The following AUH variants were observed in gnomAD, a reference collection of about 807,000 sequenced individuals.
AUH encodes methylglutaconyl-CoA hydratase, mitochondrial.
In AUH, 29 loss-of-function variants were observed where a neutral mutation model predicts 42.3. That is an observed-to-expected ratio of 0.69 (90% CI 0.51 to 0.93). The LOEUF (loss-of-function observed/expected upper bound fraction) is 0.93, where lower values mean the gene tolerates loss of function less well. Ranked by LOEUF, AUH falls within the 40% of genes least tolerant of loss-of-function variation. The pLI is 0.00. For synonymous variants in AUH, 174 were observed against 166.4 expected (o/e 1.05, Z -0.35); for missense variants, 452 against 438.1 (o/e 1.03, Z -0.28).
intron 6 of AUH, among the ~76,000 whole-genome samples, chr9:91,265,349 T>C (rs1829916534): frequency 6.6e-6 from 1 of 151,804 alleles, no homozygotes; most frequent in African/African-American, 2.4e-5. Context: ...ACATTTCTAC[T>C]TAAATTTTCA....
intron 9 of AUH, 150 bp from the exon 10 acceptor site, chr9:91,214,575 A>C: frequency 1.7e-5 from 11 of 662,844 alleles, no homozygotes; most frequent in Non-Finnish European, 2.5e-5. Context: ...AACCAAACTC[A>C]TCCTTCTTAC....
At chr9:91,316,410 C>T (rs1564094147) in intron 4 of AUH, among the ~76,000 whole-genome samples, 1 of 152,108 alleles carries the variant, frequency 6.6e-6, no homozygotes, top group Non-Finnish European at 1.5e-5. Flanking sequence ...AGTGAACTAC[C>T]GAGTCTTATG....
intron 6 of AUH, among the ~76,000 whole-genome samples, chr9:91,259,412 T>C (rs1292110805): frequency 1.3e-5 from 2 of 152,148 alleles, no homozygotes; most frequent in South Asian, 2.1e-4. Flanking sequence ...CCACCTTTCA[T>C]TTCCTTGATC....
At chr9:91,258,232 C>G (rs1018900382) in intron 6 of AUH, among the ~76,000 whole-genome samples, 1 of 151,948 alleles carries the variant, frequency 6.6e-6, no homozygotes, top group African/African-American at 2.4e-5. Context: ...CTGTATTTTT[C>G]TTTTTTCTTT....
At chr9:91,254,173 T>C (rs1829285564) in intron 6 of AUH, among the ~76,000 whole-genome samples, 2 of 152,148 alleles carry the variant, frequency 1.3e-5, no homozygotes, top group Admixed American at 6.5e-5. Context: ...GTGAAGAATA[T>C]CTCTGGATGG....
At chr9:91,263,579 A>G (rs1411657075) in intron 6 of AUH, among the ~76,000 whole-genome samples, 1 of 152,210 alleles carries the variant, frequency 6.6e-6, no homozygotes, top group Non-Finnish European at 1.5e-5. Flanking sequence ...ATTAGGAAAT[A>G]TTTTAAGTGT....
chr9:91,253,654 T>C (rs959989609), intron 6 of AUH, among the ~76,000 whole-genome samples: 8 of 152,210 alleles, frequency 5.3e-5, no homozygotes, highest in Non-Finnish European at 1.2e-4. Flanking sequence ...TCCCTTATCT[T>C]GGTATCTAGA....
rs143768042 is a variant in AUH, at chr9:91,220,970, G to A, written c.678C>T (p.Arg226=). The change falls in exon 7 of 10, where the codon CGC becomes CGT. Residue 226 remains arginine (R), a synonymous_variant. Transcript: ENST00000375731. ...PGGGGTQRLP[R]AIGMSLAKEL... ...CCTTGGCCAGGGACATTCCAATGGCGCGTGGCAATCGCTGTGTCCCCCCTG... is the reference window on the plus strand; with the variant it reads ...CCTTGGCCAGGGACATTCCAATGGCACGTGGCAATCGCTGTGTCCCCCCTG... The A allele has an allele frequency of 1.2e-4, 195 of 1,614,186 alleles. No homozygotes were observed. Among genetic ancestry groups the A allele is most frequent in the Middle Eastern group, 1.6e-4 (1 of 6,062 alleles).
chr9:91,221,516 G>A (rs970423470), intron 6 of AUH, among the ~76,000 whole-genome samples: 3 of 152,138 alleles, frequency 2.0e-5, no homozygotes, highest in Non-Finnish European at 4.4e-5. Context: ...AACAGGCTTT[G>A]TCCTGGTGGT....
intron 4 of AUH, among the ~76,000 whole-genome samples, chr9:91,311,171 T>A (rs1388560450): frequency 6.6e-6 from 1 of 152,188 alleles, no homozygotes; most frequent in Non-Finnish European, 1.5e-5. Context: ...ATATGGACAG[T>A]AGATTTTCAA....
chr9:91,331,542 A>G (rs1348925518), intron 3 of AUH, among the ~76,000 whole-genome samples: 1 of 152,188 alleles, frequency 6.6e-6, no homozygotes, highest in East Asian at 1.9e-4. Flanking sequence ...TTGCTTTTGC[A>G]TTATCTACTG....
intron 6 of AUH, among the ~76,000 whole-genome samples, chr9:91,239,927 C>T (rs1373605742): frequency 1.3e-5 from 2 of 152,138 alleles, no homozygotes; most frequent in Non-Finnish European, 2.9e-5. Flanking sequence ...ACAGCAAAAA[C>T]GTTTTTCCAG....
At chr9:91,246,284 C>T (rs947213944) in intron 6 of AUH, among the ~76,000 whole-genome samples, 1 of 152,142 alleles carries the variant, frequency 6.6e-6, no homozygotes, top group African/African-American at 2.4e-5. Context: ...AAACAAAAAA[C>T]CACGTGGAAG....
intron 6 of AUH, among the ~76,000 whole-genome samples, chr9:91,257,520 G>A (rs1829470438): frequency 6.6e-6 from 1 of 152,186 alleles, no homozygotes; most frequent in Admixed American, 6.5e-5. Context: ...GGGTCCTGGA[G>A]AGGACTGCCA....
chr9:91,229,772 A>G (rs2131280371), intron 6 of AUH, among the ~76,000 whole-genome samples: 1 of 150,006 alleles, frequency 6.7e-6, no homozygotes, highest in East Asian at 2.0e-4. Flanking sequence ...ATCTCTCAGC[A>G]TTTGCTTGTC....
At chr9:91,228,805 T>C (rs1437124315) in intron 6 of AUH, among the ~76,000 whole-genome samples, 1 of 152,232 alleles carries the variant, frequency 6.6e-6, no homozygotes, top group Non-Finnish European at 1.5e-5. Context: ...CTTCATTTCG[T>C]TATGTACCCA....
intron 3 of AUH, among the ~76,000 whole-genome samples, chr9:91,347,085 G>A (rs1831568549): frequency 6.6e-6 from 1 of 151,966 alleles, no homozygotes; most frequent in Non-Finnish European, 1.5e-5. Flanking sequence ...CACCCACGCT[G>A]GAGCACAGTG....
intron 4 of AUH, among the ~76,000 whole-genome samples, chr9:91,300,061 T>C (rs1827661585): frequency 6.6e-6 from 1 of 152,176 alleles, no homozygotes; most frequent in Non-Finnish European, 1.5e-5. Flanking sequence ...CAATATTCAG[T>C]ACCTATTAAA....
chr9:91,322,615 C>T (rs1829666921), intron 4 of AUH, among the ~76,000 whole-genome samples: 1 of 152,116 alleles, frequency 6.6e-6, no homozygotes, highest in Admixed American at 6.5e-5. Context: ...TCAAATTCTA[C>T]AATTCTTTCA....
Sources: gnomAD v4.1 joint callset for allele counts (sites outside exome capture counted in the v4.1 genomes callset) on GRCh38, gnomAD v4.1.1 for gene constraint, MANE v1.5 for transcripts, NCBI Gene and HGNC (gene_info 2026-07-23, HGNC 2026-07-21) for gene names.